The following GRM5 variants were observed in gnomAD, a reference collection of about 807,000 sequenced individuals.
The protein encoded by GRM5 is metabotropic glutamate receptor 5.
In GRM5, 19 loss-of-function variants were observed where a neutral mutation model predicts 83.1. The observed-to-expected ratio is 0.23, with a 90% CI of 0.16 to 0.34. The LOEUF is 0.34. Ranked by LOEUF, GRM5 falls within the 10% of genes least tolerant of loss-of-function variation. The probability of loss-of-function intolerance (pLI) is 1.00; values close to 1 mark genes in which losing one functional copy is unlikely to be tolerated. For synonymous variants in GRM5, 675 were observed against 633.6 expected (o/e 1.07, Z -0.98); for missense variants, 1,160 against 1,588.3 (o/e 0.73, Z 4.58).
chr11:88,880,105 C>T (rs1212183121), intron 2 of GRM5, among the ~76,000 whole-genome samples: 1 of 151,994 alleles, frequency 6.6e-6, no homozygotes, highest in East Asian at 1.9e-4. Flanking sequence ...AAGTCTTAGA[C>T]AAGAATAGAA....
chr11:89,058,623 C>T (rs1337178153), intron 1 of GRM5, among the ~76,000 whole-genome samples: 1 of 152,136 alleles, frequency 6.6e-6, no homozygotes, highest in Non-Finnish European at 1.5e-5. Flanking sequence ...TTGCCTTACT[C>T]AATGTTTATG....
chr11:88,737,616 A>T (rs1404222972), intron 3 of GRM5, among the ~76,000 whole-genome samples: 5 of 152,060 alleles, frequency 3.3e-5, no homozygotes, highest in Admixed American at 1.3e-4. Flanking sequence ...CAGTATGGAG[A>T]CAACAACAAA....
intron 3 of GRM5, among the ~76,000 whole-genome samples, chr11:88,754,732 T>TATC (rs796643006): frequency 1.1e-4 from 16 of 152,270 alleles, no homozygotes; most frequent in African/African-American, 2.9e-4. Flanking sequence ...ACATATTAAC[T>TATC]ATCATCATCA....
chr11:88,596,198 G>A (rs1374567445), intron 6 of GRM5, among the ~76,000 whole-genome samples: 1 of 152,130 alleles, frequency 6.6e-6, no homozygotes, highest in Non-Finnish European at 1.5e-5. Flanking sequence ...GCATCAAATT[G>A]GTTGTCAGCC....
At chr11:89,032,606 G>T (rs1941286228) in intron 2 of GRM5, among the ~76,000 whole-genome samples, 2 of 151,966 alleles carry the variant, frequency 1.3e-5, no homozygotes, top group Non-Finnish European at 2.9e-5. Context: ...CTTATTGTGT[G>T]CCAAGTATTA....
chr11:88,678,132 C>G (rs1411036535), intron 3 of GRM5, among the ~76,000 whole-genome samples: 1 of 151,278 alleles, frequency 6.6e-6, no homozygotes, highest in Non-Finnish European at 1.5e-5. Flanking sequence ...AATCATAGCT[C>G]TCTGCAGCCT....
intron 3 of GRM5, among the ~76,000 whole-genome samples, chr11:88,661,373 T>C (rs1440590211): frequency 6.6e-6 from 1 of 152,154 alleles, no homozygotes; most frequent in Non-Finnish European, 1.5e-5. Flanking sequence ...AAAGGCTGAG[T>C]TGATTCCCCC....
intron 4 of GRM5, among the ~76,000 whole-genome samples, chr11:88,608,320 T>A (rs1938215809): frequency 6.6e-6 from 1 of 152,160 alleles, no homozygotes; most frequent in African/African-American, 2.4e-5. Flanking sequence ...GGCATAATCC[T>A]CTCTGTGAGA....
chr11:88,715,487 A>T (rs2135388723), intron 3 of GRM5, among the ~76,000 whole-genome samples: 1 of 152,046 alleles, frequency 6.6e-6, no homozygotes, highest in Non-Finnish European at 1.5e-5. Context: ...TTTCTAAGTT[A>T]TCTATGAAGC....
intron 1 of GRM5, among the ~76,000 whole-genome samples, chr11:89,059,035 G>A (rs1214004044): frequency 1.3e-5 from 2 of 151,876 alleles, no homozygotes; most frequent in African/African-American, 4.8e-5. Flanking sequence ...TTATTCTTCT[G>A]TAAAATATAA....
intron 8 of GRM5, among the ~76,000 whole-genome samples, chr11:88,565,437 C>T (rs1219664880): frequency 6.6e-6 from 1 of 152,232 alleles, no homozygotes; most frequent in African/African-American, 2.4e-5. Context: ...AAGGGGCTTT[C>T]TCTAGTGAGT....
chr11:88,812,095 A>T (rs1245908843), intron 3 of GRM5, among the ~76,000 whole-genome samples: 1 of 152,186 alleles, frequency 6.6e-6, no homozygotes, highest in African/African-American at 2.4e-5. Context: ...GTTCTGTTTT[A>T]TAAGTCTGAA....
intron 9 of GRM5, among the ~76,000 whole-genome samples, chr11:88,522,603 CTGTGTGTGTGTGTGTG>C (rs55777647): frequency 5.5e-5 from 7 of 127,292 alleles, no homozygotes; most frequent in East Asian, 2.4e-4. Flanking sequence ...CTCTCTCTCT[CTGTGTGTGTGTGTGTG>C]TGTGTGTGTG....
intron 2 of GRM5, chr11:88,925,751 A>G: frequency 2.2e-6 from 1 of 453,690 alleles, no homozygotes; most frequent in Non-Finnish European, 4.4e-6. Flanking sequence ...AACTCTACTA[A>G]AAATACAAAA....
At chr11:88,728,792 G>A (rs1048859928) in intron 3 of GRM5, among the ~76,000 whole-genome samples, 3 of 152,116 alleles carry the variant, frequency 2.0e-5, no homozygotes, top group African/African-American at 7.2e-5. Flanking sequence ...TATGTCAATA[G>A]ATGCAGAAAA....
Position 88,838,678 on chromosome 11 carries a change from T to C in GRM5, c.911+11228A>G, listed in dbSNP as rs1159503553. Among the ~76,000 whole-genome samples the C allele has an allele frequency of 3.3e-5, 5 of 152,222 alleles. No homozygotes were observed. In the East Asian group the frequency reaches 7.7e-4, roughly 23 times the overall value. On this transcript the variant is annotated intron_variant, in intron 3 of 9. Coordinates refer to ENST00000305447, the MANE Select transcript of GRM5 (RefSeq NM_001143831.3). ...CTTTATGTGACTCTACAGTTACAAA[T>C]GTTAAATTTGGCCTTACTTTAAAAA...
chr11:88,673,272 G>A (rs11020901), intron 3 of GRM5, among the ~76,000 whole-genome samples: 2,708 of 151,950 alleles, frequency 0.018, 64 homozygotes, highest in East Asian at 0.096. Context: ...GAAATACTGT[G>A]TTTATGAGGA....
At chr11:88,685,009 T>C (rs11020944) in intron 3 of GRM5, among the ~76,000 whole-genome samples, 2,851 of 152,300 alleles carry the variant, frequency 0.019, 67 homozygotes, top group East Asian at 0.096. Context: ...AAAAGATACC[T>C]GAACATGTGG....
chr11:88,622,089 CACT>C (rs1399330321), intron 4 of GRM5, among the ~76,000 whole-genome samples: 14 of 50,372 alleles, frequency 2.8e-4, no homozygotes, highest in African/African-American at 6.7e-4. Flanking sequence ...AAAATCACAA[CACT>C]ATTTTCAACC....
Sources: gnomAD v4.1 joint callset for allele counts (sites outside exome capture counted in the v4.1 genomes callset) on GRCh38, gnomAD v4.1.1 for gene constraint, MANE v1.5 for transcripts, NCBI Gene and HGNC (gene_info 2026-07-23, HGNC 2026-07-21) for gene names.